The following LRRC75A variants were observed in gnomAD, a reference collection of about 807,000 sequenced individuals.
LRRC75A encodes the protein leucine rich repeat containing 75A, also known as leucine-rich repeat-containing protein 75A.
LRRC75A carries 12 observed loss-of-function variants against 26.0 expected under a neutral mutation model. The ratio of observed to expected loss-of-function variants is 0.46; its 90% CI spans 0.30 to 0.75. The LOEUF (loss-of-function observed/expected upper bound fraction) is 0.75, where lower values mean the gene tolerates loss of function less well. LRRC75A is among the 30% of genes least tolerant of loss of function. LRRC75A has a pLI of 0.08. For synonymous variants in LRRC75A, 223 were observed against 219.3 expected, an observed-to-expected ratio of 1.02 and a Z score of -0.15; for missense variants, 410 against 486.6, an observed-to-expected ratio of 0.84 and a Z score of 1.48.
intron 1 of LRRC75A, among the ~76,000 whole-genome samples, chr17:16,472,767 G>C (rs1449042728): frequency 2.0e-5 from 3 of 152,122 alleles, no homozygotes; most frequent in Admixed American, 6.5e-5. Flanking sequence ...CACCGGAAGT[G>C]GATTCAGCCA....
chr17:16,459,170 A>T (rs1601139295), intron 2 of LRRC75A, among the ~76,000 whole-genome samples: 1 of 152,272 alleles, frequency 6.6e-6, no homozygotes, highest in Non-Finnish European at 1.5e-5. Flanking sequence ...ATTATGAACA[A>T]GACAGACACC....
chr17:16,447,828 G>A lies in LRRC75A; in HGVS notation c.491+17C>T, dbSNP rs369833733. ...CACTCAGCCTGGCATAGACCTGCCC[G>A]GGGGAGTGTAACTCACCAGGCCTGT... On this transcript the variant is annotated intron_variant, in intron 3 of 3. Coordinates refer to ENST00000470794, the MANE Select transcript of LRRC75A (RefSeq NM_001113567.3). 3.2e-5 allele frequency: 48 copies of A among 1,514,934 alleles called. No homozygotes were observed. The East Asian group carries it at 7.6e-4, about 24-fold the overall frequency. The allele number at this position is 1,514,934 out of a possible 1,614,324, so 93.8% of individuals were successfully genotyped here. A position where few individuals can be genotyped will look rare whatever the true frequency, so the allele number is the denominator to read the frequency against.
At chr17:16,445,311 G>A (rs1166386374) in intron 3 of LRRC75A, among the ~76,000 whole-genome samples, 17 of 151,798 alleles carry the variant, frequency 1.1e-4, no homozygotes, top group African/African-American at 3.9e-4. Context: ...GACTACAGGT[G>A]TGTGCCCCCA....
chr17:16,476,953 T>G (rs1213703848), intron 1 of LRRC75A, among the ~76,000 whole-genome samples: 8 of 151,254 alleles, frequency 5.3e-5, no homozygotes, highest in Non-Finnish European at 1.0e-4. Context: ...TTAGCCAGGA[T>G]GGTCTCAATC....
chr17:16,461,773 G>A (rs1266774703), intron 2 of LRRC75A, among the ~76,000 whole-genome samples: 3 of 152,242 alleles, frequency 2.0e-5, no homozygotes, highest in African/African-American at 4.8e-5. Context: ...CCTCCAGGGA[G>A]ACAAGGGCTT....
At position 16,492,134 on chromosome 17, in the gene LRRC75A, G is replaced by A. The variant is rs2093859051; in HGVS notation, c.-144C>T. 1 of 635,670 alleles carries A rather than the reference G, an allele frequency of 1.6e-6. No homozygotes were observed. Among genetic ancestry groups the A allele is most frequent in the African/African-American group, 2.0e-5 (1 of 49,434 alleles). 39.4% of individuals were successfully genotyped at this position (635,670 alleles called of 1,614,324 possible). On this transcript the variant is annotated 5_prime_UTR_variant, in exon 1 of 4. Transcript: ENST00000470794. ...TTGCGCGCGGGCGTCGCGGGGGCGGGCGGGCGGGCGGCTGTCGGCGCTCCC... is the reference window on the plus strand; with the variant it reads ...TTGCGCGCGGGCGTCGCGGGGGCGGACGGGCGGGCGGCTGTCGGCGCTCCC...
At chr17:16,485,617 GAGC>G (rs968261378) in intron 1 of LRRC75A, among the ~76,000 whole-genome samples, 1 of 146,946 alleles carries the variant, frequency 6.8e-6, no homozygotes, top group Non-Finnish European at 1.5e-5. Flanking sequence ...CAGCCAGGAG[GAGC>G]CAGGACAAGC....
At chr17:16,476,212 A>T (rs1018326619) in intron 1 of LRRC75A, among the ~76,000 whole-genome samples, 12 of 150,954 alleles carry the variant, frequency 7.9e-5, no homozygotes, top group African/African-American at 2.9e-4. Context: ...AATAATAATA[A>T]TAAAAATTAG....
In LRRC75A at chr17:16,491,881, G is replaced by A. The variant is rs1375664261; in HGVS notation, c.110C>T (p.Ala37Val). Residue 37 changes from alanine to valine, a missense_variant, in exon 1 of 4, where the codon GCC becomes GTC. By Grantham distance (64) the Ala-to-Val change is moderately conservative (BLOSUM62 0). Transcript: ENST00000470794. The surrounding 1 kb of genome is among the most constrained non-coding windows in gnomAD (Gnocchi z 5.9). ...GCCCGCGCGCCCCGCCTTGTCCCCG[G>A]CGCGCAGCAGCAGCGACGCCCAGAA... ...PDFWASLLLR[A>V]GDKAGRAGAG... The A allele has an allele frequency of 2.9e-6, 4 of 1,361,042 alleles. No homozygotes were observed. Among genetic ancestry groups the A allele is most frequent in the Non-Finnish European group, 3.8e-6 (4 of 1,053,798 alleles). The allele number at this position is 1,361,042 out of a possible 1,614,324, so 84.3% of individuals were successfully genotyped here. A position where few individuals can be genotyped will look rare whatever the true frequency, so the allele number is the denominator to read the frequency against.
intron 1 of LRRC75A, among the ~76,000 whole-genome samples, chr17:16,467,803 G>A (rs1469590099): frequency 6.6e-6 from 1 of 152,180 alleles, no homozygotes. Context: ...GGGAATATCA[G>A]TTCAGCATAT....
At chr17:16,475,125 T>C (rs1558241) in intron 1 of LRRC75A, among the ~76,000 whole-genome samples, 87,320 of 151,422 alleles carry the variant, frequency 0.58, 27,474 homozygotes, top group East Asian at 0.85. Context: ...CAAGCAGGAG[T>C]GTCTTCATAG....
At chr17:16,477,222 A>G (rs1048753732) in intron 1 of LRRC75A, among the ~76,000 whole-genome samples, 1 of 152,236 alleles carries the variant, frequency 6.6e-6, no homozygotes, top group African/African-American at 2.4e-5. Flanking sequence ...CCTTCACAGC[A>G]GCATCTAGAC....
At chr17:16,456,977 G>T (rs1036974674) in intron 2 of LRRC75A, among the ~76,000 whole-genome samples, 1 of 152,212 alleles carries the variant, frequency 6.6e-6, no homozygotes, top group Admixed American at 6.5e-5. Context: ...GACCTTCCCA[G>T]TGAGGCTGCC....
intron 2 of LRRC75A, among the ~76,000 whole-genome samples, chr17:16,454,664 C>A (rs936666837): frequency 1.3e-5 from 2 of 152,080 alleles, no homozygotes; most frequent in Non-Finnish European, 2.9e-5. Flanking sequence ...GCACTCCAGC[C>A]CGGGCAACAA....
chr17:16,466,299 G>A (rs913561350), intron 1 of LRRC75A, among the ~76,000 whole-genome samples: 2 of 152,176 alleles, frequency 1.3e-5, no homozygotes, highest in African/African-American at 4.8e-5. Context: ...CTGGGAATGG[G>A]CTCCTTTCAG....
In LRRC75A at chr17:16,491,797, A is replaced by T. The variant is rs1035320757; in HGVS notation, c.194T>A (p.Val65Glu). 2.1e-6 allele frequency: 3 copies of T among 1,429,648 alleles called. No homozygotes were observed. The highest frequency in any genetic ancestry group is 2.7e-6 in the Non-Finnish European group (3 of 1,093,546). The allele number at this position is 1,429,648 out of a possible 1,614,324, so 88.6% of individuals were successfully genotyped here. A position where few individuals can be genotyped will look rare whatever the true frequency, so the allele number is the denominator to read the frequency against. The change falls in exon 1 of 4, where the codon GTG (valine) becomes GAG (glutamate). Residue 65 changes from valine (V) to glutamate (E), a missense_variant. Coordinates refer to ENST00000470794, the MANE Select transcript of LRRC75A (RefSeq NM_001113567.3). This position sits in a 1 kb window ranked among gnomAD's most constrained non-coding sequence, Gnocchi z 5.9. ...VGMVQELLRM[V>E]RQGRREEAGT... ...CGCCTCCTCCCGCCGGCCCTGGCGC[A>T]CCATCCGCAGCAGCTCCTGGACCAT...
chr17:16,476,974 G>A (rs951873085), intron 1 of LRRC75A, among the ~76,000 whole-genome samples: 12 of 151,376 alleles, frequency 7.9e-5, no homozygotes, highest in Non-Finnish European at 1.5e-4. Context: ...TCCTGACCTT[G>A]TGATCCGCCC....
chr17:16,479,698 C>T lies in LRRC75A; in HGVS notation c.246+12047G>A, dbSNP rs557399319. ...TGGGCTGCCAGCAGCAGAGCTGTAG[C>T]GAAAATCTAACATGGAGGCAGCGAG... On this transcript the variant is annotated intron_variant, in intron 1 of 3. Transcript: ENST00000470794. Among the ~76,000 whole-genome samples the T allele has an allele frequency of 1.1e-3, 166 of 152,338 alleles. 3 individuals are homozygous for T. The highest frequency in any genetic ancestry group is 3.8e-3 in the African/African-American group (158 of 41,580).
intron 1 of LRRC75A, among the ~76,000 whole-genome samples, chr17:16,477,627 C>T (rs2093824218): frequency 6.6e-6 from 1 of 152,224 alleles, no homozygotes; most frequent in Admixed American, 6.5e-5. Context: ...AGGGCAGAAG[C>T]CGGCCCAGGA....
Sources: allele counts gnomAD v4.1 joint callset (sites outside exome capture counted in the v4.1 genomes callset), GRCh38; gene constraint gnomAD v4.1.1; non-coding constraint Gnocchi (gnomAD v3.1); transcripts MANE v1.5; gene names NCBI Gene and HGNC (gene_info 2026-07-23, HGNC 2026-07-21).